The following GALNTL6 variants were observed in gnomAD, a reference collection of about 807,000 sequenced individuals.
The protein encoded by GALNTL6 is polypeptide N-acetylgalactosaminyltransferase-like 6.
Under a neutral mutation model 73.7 loss-of-function variants are expected in GALNTL6, and 46 were observed. The ratio of observed to expected loss-of-function variants is 0.62; its 90% CI spans 0.49 to 0.80. The LOEUF is 0.80. GALNTL6 is among the 30% of genes least tolerant of loss of function. GALNTL6 has a pLI of 0.00. For synonymous variants in GALNTL6, 259 were observed against 263.7 expected (o/e 0.98, Z 0.17); for missense variants, 604 against 755.0 (o/e 0.80, Z 2.34).
At chr4:171,870,815 C>A (rs1736115363) in intron 2 of GALNTL6, among the ~76,000 whole-genome samples, 1 of 152,152 alleles carries the variant, frequency 6.6e-6, no homozygotes. Context: ...AGCCAAGGAT[C>A]TTCTAGAGCC....
chr4:172,578,513 A>G (rs1222733691), intron 5 of GALNTL6, among the ~76,000 whole-genome samples: 1 of 152,248 alleles, frequency 6.6e-6, no homozygotes, highest in Non-Finnish European at 1.5e-5. Flanking sequence ...AAGAAGAGGA[A>G]TGTCTCCAGA....
At chr4:172,436,210 G>A (rs774645578) in intron 5 of GALNTL6, among the ~76,000 whole-genome samples, 14 of 152,122 alleles carry the variant, frequency 9.2e-5, no homozygotes, top group Non-Finnish European at 2.1e-4. Context: ...TTAGAAGGCT[G>A]TAGCACCTCT....
At chr4:172,037,950 T>A (rs1741980213) in intron 2 of GALNTL6, among the ~76,000 whole-genome samples, 1 of 151,884 alleles carries the variant, frequency 6.6e-6, no homozygotes, top group Non-Finnish European at 1.5e-5. Context: ...AAACTCTGTC[T>A]CTACTAAAAA....
chr4:172,846,673 C>T (rs767178165), intron 7 of GALNTL6, among the ~76,000 whole-genome samples: 1 of 152,094 alleles, frequency 6.6e-6, no homozygotes, highest in Non-Finnish European at 1.5e-5. Context: ...CAGCAATGAA[C>T]CTTTCATTTG....
intron 2 of GALNTL6, among the ~76,000 whole-genome samples, chr4:172,206,814 G>GTTTTTTTTTTTTTTTTTTTTTTTTTTT (rs796625697): frequency 3.5e-5 from 2 of 57,964 alleles, no homozygotes; most frequent in African/African-American, 9.9e-5. Flanking sequence ...TGTTTTTTTT[G>GTTTTTTTTTTTTTTTTTTTTTTTTTTT]TTTGTTTTTT....
At chr4:172,039,358 C>T (rs1381895710) in intron 2 of GALNTL6, among the ~76,000 whole-genome samples, 1 of 152,120 alleles carries the variant, frequency 6.6e-6, no homozygotes, top group Non-Finnish European at 1.5e-5. Flanking sequence ...AGCTGAGAAG[C>T]TTTTTAAAGA....
intron 2 of GALNTL6, among the ~76,000 whole-genome samples, chr4:171,981,061 T>G (rs774144409): frequency 5.3e-5 from 8 of 152,198 alleles, no homozygotes; most frequent in Non-Finnish European, 1.2e-4. Context: ...GAGTTTATTT[T>G]GCCAAGGTTT....
chr4:172,611,534 G>T (rs1738526757), intron 5 of GALNTL6, among the ~76,000 whole-genome samples: 1 of 152,000 alleles, frequency 6.6e-6, no homozygotes, highest in Non-Finnish European at 1.5e-5. Context: ...TCTGCCAAAA[G>T]GTCCACTGTT....
At chr4:172,977,741 A>G (rs1240864128) in intron 10 of GALNTL6, among the ~76,000 whole-genome samples, 2 of 152,016 alleles carry the variant, frequency 1.3e-5, no homozygotes, top group African/African-American at 4.8e-5. Context: ...ACTAGGAAGC[A>G]TGTTCTGGGT....
At chr4:172,005,826 A>G (rs983502995) in intron 2 of GALNTL6, among the ~76,000 whole-genome samples, 2 of 152,102 alleles carry the variant, frequency 1.3e-5, no homozygotes, top group African/African-American at 4.8e-5. Context: ...ATCCCTATTG[A>G]TTTGTTTGAA....
chr4:172,744,966 G>A (rs1024344883), intron 5 of GALNTL6, among the ~76,000 whole-genome samples: 4 of 151,732 alleles, frequency 2.6e-5, no homozygotes, highest in African/African-American at 9.7e-5. Flanking sequence ...ATTGTTTCAT[G>A]TTATTTGATT....
At chr4:172,010,254 G>A (rs1020565607) in intron 2 of GALNTL6, among the ~76,000 whole-genome samples, 2 of 151,982 alleles carry the variant, frequency 1.3e-5, no homozygotes, top group African/African-American at 4.8e-5. Context: ...TATGCGATGA[G>A]TACTATGAGT....
chr4:172,442,705 G>C (rs961689117), intron 5 of GALNTL6, among the ~76,000 whole-genome samples: 1 of 152,030 alleles, frequency 6.6e-6, no homozygotes, highest in South Asian at 2.1e-4. Flanking sequence ...TTCAGTTACC[G>C]ATATATTTCA....
chr4:172,498,873 A>G (rs186393099), intron 5 of GALNTL6, among the ~76,000 whole-genome samples: 8 of 152,302 alleles, frequency 5.3e-5, no homozygotes, highest in African/African-American at 1.9e-4. Flanking sequence ...TGTGATATCT[A>G]TTTTGCTCCA....
chr4:172,600,829 T>C (rs570073536), intron 5 of GALNTL6, among the ~76,000 whole-genome samples: 1 of 152,118 alleles, frequency 6.6e-6, no homozygotes, highest in African/African-American at 2.4e-5. Flanking sequence ...GTAACCTAAA[T>C]ACTGGCCATA....
chr4:172,711,669 C>T (rs1173399903), intron 5 of GALNTL6, among the ~76,000 whole-genome samples: 1 of 151,996 alleles, frequency 6.6e-6, no homozygotes, highest in Non-Finnish European at 1.5e-5. Context: ...TATTAATGTC[C>T]AAATTTTGGC....
intron 4 of GALNTL6, among the ~76,000 whole-genome samples, chr4:172,328,928 A>G (rs1186503483): frequency 6.6e-6 from 1 of 152,114 alleles, no homozygotes; most frequent in Non-Finnish European, 1.5e-5. Flanking sequence ...AGAACATAAA[A>G]CACTCTGGCC....
chr4:172,513,627 T>C (rs1380944055), intron 5 of GALNTL6, among the ~76,000 whole-genome samples: 2 of 152,176 alleles, frequency 1.3e-5, no homozygotes, highest in Non-Finnish European at 2.9e-5. Context: ...GATGTGGTGC[T>C]TCCCCTAGGG....
intron 5 of GALNTL6, among the ~76,000 whole-genome samples, chr4:172,732,681 G>A (rs970494294): frequency 6.6e-6 from 1 of 151,664 alleles, no homozygotes; most frequent in Non-Finnish European, 1.5e-5. Context: ...CTTTTTATTT[G>A]TAGTGAATCA....
Sources: allele counts gnomAD v4.1 joint callset (sites outside exome capture counted in the v4.1 genomes callset), GRCh38; gene constraint gnomAD v4.1.1; transcripts MANE v1.5; gene names NCBI Gene and HGNC (gene_info 2026-07-23, HGNC 2026-07-21).